DACH2: variants seen among roughly 807,000 people sequenced by gnomAD.
DACH2 encodes dachshund family transcription factor 2.
DACH2 carries 17 observed loss-of-function variants against 35.8 expected under a neutral mutation model. That is an observed-to-expected ratio of 0.48 (90% CI 0.33 to 0.71). DACH2 has a LOEUF of 0.71. Ranked by LOEUF, DACH2 falls within the 30% of genes least tolerant of loss-of-function variation. The pLI is 0.02. For synonymous variants in DACH2, 195 were observed against 177.3 expected, an observed-to-expected ratio of 1.10 and a Z score of -0.79; for missense variants, 469 against 472.7, an observed-to-expected ratio of 0.99 and a Z score of 0.07.
chrX:86,169,387 G>T (rs1242051296), intron 1 of DACH2, among the ~76,000 whole-genome samples: 1 of 110,742 alleles, frequency 9.0e-6, no homozygotes, highest in Admixed American at 9.6e-5. Flanking sequence ...TGTTACATTG[G>T]CTTGGTGTTC....
At chrX:86,564,152 A>G (rs2039263952) in intron 3 of DACH2, among the ~76,000 whole-genome samples, 1 of 110,973 alleles carries the variant, frequency 9.0e-6, no homozygotes, top group Non-Finnish European at 1.9e-5. Context: ...CCGTATTGAC[A>G]CAGCTTTTCT....
chrX:86,318,543 A>G (rs780846825), intron 1 of DACH2, among the ~76,000 whole-genome samples: 1 of 111,894 alleles, frequency 8.9e-6, no homozygotes, highest in South Asian at 3.7e-4. Context: ...ACCCAACATA[A>G]CAACCTTAAT....
chrX:86,479,141 G>A (rs775528674), intron 2 of DACH2, among the ~76,000 whole-genome samples: 2 of 111,187 alleles, frequency 1.8e-5, no homozygotes, highest in East Asian at 2.9e-4. Context: ...ACGTCGTTTC[G>A]CTGTCGATGG....
At chrX:86,217,932 G>C (rs2032616794) in intron 1 of DACH2, among the ~76,000 whole-genome samples, 2 of 111,526 alleles carry the variant, frequency 1.8e-5, no homozygotes, top group Admixed American at 1.9e-4. Context: ...AATGGGGTCT[G>C]ACGCTTATAA....
intron 4 of DACH2, among the ~76,000 whole-genome samples, chrX:86,657,849 A>C (rs956435948): frequency 1.8e-5 from 2 of 111,045 alleles, no homozygotes; most frequent in Admixed American, 9.6e-5. Flanking sequence ...ATTCAATTAA[A>C]ATTTTTCTGC....
chrX:86,165,267 G>A (rs902034038), intron 1 of DACH2, among the ~76,000 whole-genome samples: 15 of 111,455 alleles, frequency 1.3e-4, no homozygotes, highest in African/African-American at 2.0e-4. Context: ...CTTAGCTATC[G>A]TAAACAGTGC....
At chrX:86,786,522 T>C (rs1383010822) in intron 7 of DACH2, among the ~76,000 whole-genome samples, 1 of 111,799 alleles carries the variant, frequency 8.9e-6, no homozygotes, top group Non-Finnish European at 1.9e-5. Context: ...CATGTCCAAA[T>C]TGGTCTGATG....
At chrX:86,520,094 G>C (rs1466806244) in intron 3 of DACH2, among the ~76,000 whole-genome samples, 1 of 111,416 alleles carries the variant, frequency 9.0e-6, no homozygotes, top group Non-Finnish European at 1.9e-5. Context: ...AGAGATTCTG[G>C]TGTGTTGTGT....
chrX:86,256,162 T>C (rs1037959657), intron 1 of DACH2, among the ~76,000 whole-genome samples: 3 of 111,625 alleles, frequency 2.7e-5, no homozygotes, highest in African/African-American at 9.7e-5. Context: ...TCATGTGAAG[T>C]GAGGTACCTC....
At chrX:86,452,023 GTT>G (rs1470981422) in intron 2 of DACH2, among the ~76,000 whole-genome samples, 1 of 111,514 alleles carries the variant, frequency 9.0e-6, no homozygotes, top group Non-Finnish European at 1.9e-5. Context: ...TTTATTTAGA[GTT>G]TTTAACATAA....
At chrX:86,512,914 CAAGTAGA>C (rs2038415396) in intron 2 of DACH2, 1 of 326,772 alleles carries the variant, frequency 3.1e-6, no homozygotes. Flanking sequence ...GGCCCAGAAT[CAAGTAGA>C]AAGAAGGAGA....
intron 2 of DACH2, among the ~76,000 whole-genome samples, chrX:86,414,490 G>T (rs747130744): frequency 6.3e-5 from 7 of 111,351 alleles, no homozygotes; most frequent in African/African-American, 2.0e-4. Context: ...AGTGACTGAG[G>T]TTCCTACTGT....
At chrX:86,523,217 C>T (rs1249526712) in intron 3 of DACH2, among the ~76,000 whole-genome samples, 2 of 111,529 alleles carry the variant, frequency 1.8e-5, no homozygotes, top group African/African-American at 3.3e-5. Context: ...GCACTCAACT[C>T]GGGATTAGCA....
At position 86,695,190 on chromosome X, in the gene DACH2, T is replaced by C; in HGVS notation, c.931+11T>C. On this transcript the variant is annotated intron_variant, in intron 5 of 11. Coordinates refer to ENST00000373125, the MANE Select transcript of DACH2 (RefSeq NM_053281.3). ...ACCTGCTAACCAATAGTATGTATAC[T>C]GTCCTCACAAAACTGGGTGTGTTGA... The C allele has an allele frequency of 1.0e-6, 1 of 997,806 alleles. No individual in the cohort carries two copies. The allele number at this position is 997,806 out of a possible 1,213,427, so 82.2% of individuals were successfully genotyped here. A position where few individuals can be genotyped will look rare whatever the true frequency, so the allele number is the denominator to read the frequency against.
intron 1 of DACH2, among the ~76,000 whole-genome samples, chrX:86,335,973 TG>T (rs1225425995): frequency 8.9e-6 from 1 of 112,185 alleles, no homozygotes; most frequent in Non-Finnish European, 1.9e-5. Context: ...TGTTGAATTT[TG>T]TTGAAGGCTT....
chrX:86,577,352 A>T (rs2039447760), intron 3 of DACH2, among the ~76,000 whole-genome samples: 1 of 111,005 alleles, frequency 9.0e-6, no homozygotes, highest in Admixed American at 9.7e-5. Context: ...TCTTTATAGC[A>T]AAATTCTCTA....
chrX:86,516,657 C>T (rs2038472377), intron 3 of DACH2, among the ~76,000 whole-genome samples: 1 of 109,755 alleles, frequency 9.1e-6, no homozygotes, highest in Non-Finnish European at 1.9e-5. Flanking sequence ...ATTGTTTCAT[C>T]ACCCGGGTAT....
At chrX:86,776,586 T>TTTA (rs1299937592) in intron 7 of DACH2, among the ~76,000 whole-genome samples, 1 of 111,208 alleles carries the variant, frequency 9.0e-6, no homozygotes, top group African/African-American at 3.3e-5. Context: ...GACAAAAGTT[T>TTTA]TTATTATTAT....
intron 3 of DACH2, among the ~76,000 whole-genome samples, chrX:86,526,606 A>G (rs781580472): frequency 9.0e-6 from 1 of 111,223 alleles, no homozygotes; most frequent in Non-Finnish European, 1.9e-5. Flanking sequence ...GAGTCAAGGT[A>G]GAGAATGCCC....
Sources: allele counts gnomAD v4.1 joint callset (sites outside exome capture counted in the v4.1 genomes callset), GRCh38; gene constraint gnomAD v4.1.1; transcripts MANE v1.5; gene names NCBI Gene and HGNC (gene_info 2026-07-23, HGNC 2026-07-21).